The following MYO3B variants were observed in gnomAD, a reference collection of about 807,000 sequenced individuals.
MYO3B encodes myosin IIIB, also known as myosin-IIIb.
In MYO3B, 156 loss-of-function variants were observed where a neutral mutation model predicts 174.6. That is an observed-to-expected ratio of 0.89 (90% CI 0.78 to 1.02). The LOEUF (loss-of-function observed/expected upper bound fraction) is 1.02. MYO3B is among the 50% of genes least tolerant of loss of function. The pLI is 0.00. For synonymous variants in MYO3B, 563 were observed against 569.1 expected, an observed-to-expected ratio of 0.99 and a Z score of 0.15; for missense variants, 1,632 against 1,639.4, an observed-to-expected ratio of 1.00 and a Z score of 0.08.
chr2:170,573,634 A>G (rs893975365), intron 32 of MYO3B, among the ~76,000 whole-genome samples: 2 of 152,182 alleles, frequency 1.3e-5, no homozygotes, highest in African/African-American at 4.8e-5. Flanking sequence ...TTGTACCATT[A>G]TTAAATAAGC....
intron 8 of MYO3B, among the ~76,000 whole-genome samples, chr2:170,367,242 GA>G (rs926310717): frequency 1.3e-5 from 2 of 152,192 alleles, no homozygotes; most frequent in African/African-American, 4.8e-5. Context: ...AACACAGGAA[GA>G]AAGCCAAAAC....
At chr2:170,650,959 A>T (rs1471022291) in intron 32 of MYO3B, among the ~76,000 whole-genome samples, 1 of 129,662 alleles carries the variant, frequency 7.7e-6, no homozygotes, top group African/African-American at 3.0e-5. Flanking sequence ...CCAGCCATGA[A>T]TTATGACTTC....
intron 30 of MYO3B, among the ~76,000 whole-genome samples, chr2:170,532,372 T>C (rs1259131778): frequency 2.0e-5 from 3 of 152,180 alleles, no homozygotes; most frequent in African/African-American, 7.2e-5. Context: ...GAAGATGCCA[T>C]TGAGACATTT....
chr2:170,244,618 A>G (rs1410098241), intron 7 of MYO3B, among the ~76,000 whole-genome samples: 1 of 152,234 alleles, frequency 6.6e-6, no homozygotes, highest in African/African-American at 2.4e-5. Context: ...GGAAGAGGGC[A>G]GAGCCTGCAG....
intron 32 of MYO3B, among the ~76,000 whole-genome samples, chr2:170,571,075 T>A (rs887797147): frequency 6.6e-6 from 1 of 152,240 alleles, no homozygotes; most frequent in Non-Finnish European, 1.5e-5. Flanking sequence ...AGATTTAATT[T>A]TTCAGGCTAG....
At chr2:170,636,957 CGTGTGTGT>C (rs3047156) in intron 32 of MYO3B, among the ~76,000 whole-genome samples, 70 of 146,670 alleles carry the variant, frequency 4.8e-4, no homozygotes, top group South Asian at 2.4e-3. Context: ...TGCTTTTGTG[CGTGTGTGT>C]GTGTGTGTGT....
At chr2:170,365,943 C>G (rs995395487) in intron 8 of MYO3B, among the ~76,000 whole-genome samples, 2 of 152,116 alleles carry the variant, frequency 1.3e-5, no homozygotes, top group African/African-American at 4.8e-5. Context: ...GCTCTGGGCC[C>G]TTCCTGTGGA....
chr2:170,521,220 G>A (rs1476364832), intron 30 of MYO3B, among the ~76,000 whole-genome samples: 4 of 152,092 alleles, frequency 2.6e-5, no homozygotes, highest in Admixed American at 2.0e-4. Flanking sequence ...TTCTTTTAAA[G>A]TAAAGTACTT....
At chr2:170,638,526 G>C (rs1268913576) in intron 32 of MYO3B, among the ~76,000 whole-genome samples, 2 of 152,216 alleles carry the variant, frequency 1.3e-5, no homozygotes, top group Non-Finnish European at 2.9e-5. Context: ...CAGTTTCACA[G>C]ATGAGGCTCC....
intron 32 of MYO3B, among the ~76,000 whole-genome samples, chr2:170,592,827 T>C (rs1693897792): frequency 6.6e-6 from 1 of 152,152 alleles, no homozygotes; most frequent in South Asian, 2.1e-4. Context: ...ATCTCTTACA[T>C]CTCTTTCTCT....
intron 7 of MYO3B, among the ~76,000 whole-genome samples, chr2:170,275,325 G>A (rs958165984): frequency 2.6e-5 from 4 of 152,174 alleles, no homozygotes; most frequent in African/African-American, 9.7e-5. Context: ...AAGTGAACAT[G>A]TTTCTTTATT....
At chr2:170,539,875 A>C (rs558507455) in intron 30 of MYO3B, among the ~76,000 whole-genome samples, 1 of 151,802 alleles carries the variant, frequency 6.6e-6, no homozygotes, top group African/African-American at 2.4e-5. Flanking sequence ...ACCTGCCTCA[A>C]CCTCCCGAAG....
chr2:170,539,983 C>T (rs1034909433), intron 30 of MYO3B, among the ~76,000 whole-genome samples: 3 of 152,046 alleles, frequency 2.0e-5, no homozygotes, highest in East Asian at 3.8e-4. Flanking sequence ...AGTCAATATA[C>T]CATAGTCTTA....
intron 22 of MYO3B, among the ~76,000 whole-genome samples, chr2:170,430,074 C>T (rs1307552971): frequency 2.7e-5 from 4 of 150,324 alleles, no homozygotes; most frequent in Non-Finnish European, 5.9e-5. Flanking sequence ...TGCAAAACTG[C>T]ATATATGGAG....
At chr2:170,256,984 G>T (rs905982429) in intron 7 of MYO3B, among the ~76,000 whole-genome samples, 4 of 152,018 alleles carry the variant, frequency 2.6e-5, no homozygotes, top group African/African-American at 9.6e-5. Context: ...TTTAAACCAA[G>T]AATAGTAAAA....
chr2:170,441,619 T>G (rs2094801476), intron 22 of MYO3B, among the ~76,000 whole-genome samples: 1 of 152,196 alleles, frequency 6.6e-6, no homozygotes, highest in South Asian at 2.1e-4. Flanking sequence ...AAGGGGTAGA[T>G]TTGTCATGAG....
chr2:170,254,007 A>G (rs568933497), intron 7 of MYO3B, among the ~76,000 whole-genome samples: 1 of 152,266 alleles, frequency 6.6e-6, no homozygotes, highest in South Asian at 2.1e-4. Flanking sequence ...ATCTTTTGAG[A>G]AAAAACACTG....
intron 32 of MYO3B, among the ~76,000 whole-genome samples, chr2:170,586,474 C>T (rs188301301): frequency 6.9e-4 from 105 of 152,254 alleles, no homozygotes; most frequent in Admixed American, 1.8e-3. Context: ...ACCACATGGG[C>T]TCTTAATTTA....
intron 25 of MYO3B, among the ~76,000 whole-genome samples, chr2:170,476,055 A>G (rs1685296038): frequency 7.2e-6 from 1 of 138,782 alleles, no homozygotes; most frequent in Admixed American, 7.4e-5. Flanking sequence ...TTTCCTTTTG[A>G]AATGGGAGTG....
Sources: allele counts gnomAD v4.1 joint callset (sites outside exome capture counted in the v4.1 genomes callset), GRCh38; gene constraint gnomAD v4.1.1; transcripts MANE v1.5; gene names NCBI Gene and HGNC (gene_info 2026-07-23, HGNC 2026-07-21).